TMEM132B: variants seen among roughly 807,000 people sequenced by gnomAD.
The protein encoded by TMEM132B is transmembrane protein 132B.
TMEM132B carries 18 observed loss-of-function variants against 90.8 expected under a neutral mutation model. The observed-to-expected ratio is 0.20, with a 90% CI of 0.14 to 0.29. The LOEUF (loss-of-function observed/expected upper bound fraction) is 0.29, where lower values mean the gene tolerates loss of function less well. Among genes scored for constraint, TMEM132B ranks in the 10% least tolerant of loss-of-function variants. The pLI is 1.00. For synonymous variants in TMEM132B, 504 were observed against 523.3 expected (o/e 0.96, Z 0.50); for missense variants, 1,096 against 1,326.8 (o/e 0.83, Z 2.70).
chr12:125,271,004 G>A (rs889923813), intron 1 of TMEM132B, among the ~76,000 whole-genome samples: 1 of 151,416 alleles, frequency 6.6e-6, no homozygotes. Context: ...AGGCTGGAGT[G>A]CAGGGGTGCA....
chr12:125,232,415 GA>G (rs1176350841), intron 1 of TMEM132B, among the ~76,000 whole-genome samples: 3 of 150,524 alleles, frequency 2.0e-5, no homozygotes, highest in Non-Finnish European at 3.0e-5. Context: ...ATATCTTCTT[GA>G]AAAAAAATAA....
At chr12:125,215,623 C>T (rs1873421641) in intron 1 of TMEM132B, among the ~76,000 whole-genome samples, 1 of 152,182 alleles carries the variant, frequency 6.6e-6, no homozygotes, top group Admixed American at 6.5e-5. Flanking sequence ...CTCACCACAA[C>T]CTCCACCTCC....
chr12:125,590,798 C>T (rs1405801145), intron 5 of TMEM132B, among the ~76,000 whole-genome samples: 2 of 152,190 alleles, frequency 1.3e-5, no homozygotes, highest in Admixed American at 6.5e-5. Context: ...TGACCCATTG[C>T]ATCTTCACAA....
intron 2 of TMEM132B, among the ~76,000 whole-genome samples, chr12:125,372,705 A>G (rs193240790): frequency 4.3e-4 from 66 of 152,308 alleles, no homozygotes; most frequent in African/African-American, 1.5e-3. Flanking sequence ...CTTTCCTGCT[A>G]CAAATGTGCA....
chr12:125,319,035 G>A (rs1007003662), intron 1 of TMEM132B, among the ~76,000 whole-genome samples: 1 of 152,178 alleles, frequency 6.6e-6, no homozygotes, highest in Admixed American at 6.5e-5. Context: ...TGGGTTTCAG[G>A]GCAGGTGGCC....
intron 2 of TMEM132B, among the ~76,000 whole-genome samples, chr12:125,395,741 A>C (rs1312381975): frequency 6.6e-6 from 1 of 152,202 alleles, no homozygotes; most frequent in Non-Finnish European, 1.5e-5. Context: ...CGTGTAATTG[A>C]AGAGTTCGAA....
rs1479009629 is a variant in TMEM132B, at chr12:125,655,565, C to T, written c.*855C>T. On this transcript the variant is annotated 3_prime_UTR_variant, in exon 9 of 9. Coordinates refer to ENST00000682704, the MANE Select transcript of TMEM132B (RefSeq NM_001366854.1). ...AAACATTTGGAAAAAAGTTGTCAAT[C>T]ACAAACATTTATTTTTATTCTCTGC... 1 of 152,182 alleles carries T rather than the reference C, an allele frequency of 6.6e-6. No individual in the cohort carries two copies. Among genetic ancestry groups the T allele is most frequent in the Non-Finnish European group, 1.5e-5 (1 of 68,042 alleles). 9.4% of individuals were successfully genotyped at this position (152,182 alleles called of 1,614,324 possible).
intron 1 of TMEM132B, among the ~76,000 whole-genome samples, chr12:125,202,430 C>T (rs369567192): frequency 6.6e-6 from 1 of 152,344 alleles, no homozygotes; most frequent in African/African-American, 2.4e-5. Flanking sequence ...GAGGTGTTAG[C>T]TAAGGTTTGG....
Position 125,318,384 on chromosome 12 carries a change from G to T in TMEM132B, c.68-31068G>T, listed in dbSNP as rs565361721. On this transcript the variant is annotated intron_variant, in intron 1 of 8. Coordinates refer to ENST00000682704, the MANE Select transcript of TMEM132B (RefSeq NM_001366854.1). ...TCTTCAACTTTTATTTTTAGTTCTG[G>T]GGTACATGTGCAGGGTGTGCAGATT... Among the ~76,000 whole-genome samples, 59 of 152,034 alleles carry T rather than the reference G, an allele frequency of 3.9e-4. 1 individual carries two copies. Among genetic ancestry groups the T allele is most frequent in the Admixed American group, 2.7e-3 (42 of 15,274 alleles).
At chr12:125,515,751 T>C (rs1341363113) in intron 3 of TMEM132B, among the ~76,000 whole-genome samples, 2 of 151,132 alleles carry the variant, frequency 1.3e-5, no homozygotes, top group Admixed American at 1.3e-4. Flanking sequence ...TTCTCACACA[T>C]ATTCACACAT....
intron 5 of TMEM132B, among the ~76,000 whole-genome samples, chr12:125,635,927 A>G (rs1886467854): frequency 6.6e-6 from 1 of 152,106 alleles, no homozygotes; most frequent in South Asian, 2.1e-4. Flanking sequence ...TTTCTGCTAT[A>G]ATAGGGTGGC....
Position 125,519,596 on chromosome 12 carries a change from A to G in TMEM132B, c.1264A>G (p.Thr422Ala), listed in dbSNP as rs142287135. 1.1e-5 allele frequency: 18 copies of G among 1,614,114 alleles called. No homozygotes were observed. The highest frequency in any genetic ancestry group is 9.3e-5 in the African/African-American group (7 of 75,032). ...VVSEIFVSQTTFVGIVPLAMD... is the reference protein window; with the variant it reads ...VVSEIFVSQTAFVGIVPLAMD... Reference sequence around the variant, plus strand: ...CTCCGAGATCTTCGTCAGCCAGACAACCTTCGTGGGCATCGTCCCTCTTGC... The same window carrying G: ...CTCCGAGATCTTCGTCAGCCAGACAGCCTTCGTGGGCATCGTCCCTCTTGC... The change falls in exon 4 of 9, where the codon ACC (threonine) becomes GCC (alanine). Residue 422 changes from threonine to alanine, a missense_variant. Physicochemically the swap from Thr to Ala is moderately conservative, Grantham distance 58. Transcript: ENST00000682704.
At chr12:125,478,697 A>G (rs552995579) in intron 3 of TMEM132B, among the ~76,000 whole-genome samples, 29 of 152,346 alleles carry the variant, frequency 1.9e-4, no homozygotes, top group Middle Eastern at 3.4e-3. Flanking sequence ...TCAGGATATT[A>G]TCGAGGAGAA....
intron 3 of TMEM132B, among the ~76,000 whole-genome samples, chr12:125,466,060 C>A (rs866790017): frequency 1.4e-4 from 21 of 152,150 alleles, no homozygotes; most frequent in Non-Finnish European, 7.4e-5. Flanking sequence ...TATAGCAACA[C>A]AAAAATGGCC....
intron 5 of TMEM132B, among the ~76,000 whole-genome samples, chr12:125,643,481 CA>C (rs1222693589): frequency 6.6e-6 from 1 of 152,196 alleles, no homozygotes; most frequent in Non-Finnish European, 1.5e-5. Context: ...AGGCCACCCC[CA>C]AGTGCTGAGT....
chr12:125,358,557 A>G (rs560944787), intron 2 of TMEM132B, among the ~76,000 whole-genome samples: 40 of 152,060 alleles, frequency 2.6e-4, no homozygotes, highest in South Asian at 4.2e-4. Flanking sequence ...TAACACTTTT[A>G]AAGACTGCTG....
At chr12:125,496,602 A>C (rs1390805818) in intron 3 of TMEM132B, among the ~76,000 whole-genome samples, 1 of 152,162 alleles carries the variant, frequency 6.6e-6, no homozygotes, top group Non-Finnish European at 1.5e-5. Context: ...GGGGCAACCC[A>C]GGAGGCAAAT....
intron 1 of TMEM132B, among the ~76,000 whole-genome samples, chr12:125,202,669 T>G (rs1025821232): frequency 1.3e-5 from 2 of 152,232 alleles, no homozygotes; most frequent in Admixed American, 1.3e-4. Flanking sequence ...CCTTCAATGT[T>G]GAGCCATTCT....
chr12:125,630,365 G>A (rs1212531751), intron 5 of TMEM132B, among the ~76,000 whole-genome samples: 4 of 151,930 alleles, frequency 2.6e-5, no homozygotes, highest in African/African-American at 9.7e-5. Context: ...TTCAATCATG[G>A]TGGGTTAAAT....
Sources: allele counts gnomAD v4.1 joint callset (sites outside exome capture counted in the v4.1 genomes callset), GRCh38; gene constraint gnomAD v4.1.1; transcripts MANE v1.5; gene names NCBI Gene and HGNC (gene_info 2026-07-23, HGNC 2026-07-21).